TSPAN5: variants seen among roughly 807,000 people sequenced by gnomAD.
TSPAN5 encodes the protein tetraspanin 5, also known as tetraspanin-5.
In TSPAN5, 10 loss-of-function variants were observed where a neutral mutation model predicts 37.1. The ratio of observed to expected loss-of-function variants is 0.27; its 90% CI spans 0.17 to 0.46. TSPAN5 has a LOEUF of 0.46. TSPAN5 is among the 20% of genes least tolerant of loss of function. The probability of loss-of-function intolerance (pLI) is 1.00; values close to 1 mark genes in which losing one functional copy is unlikely to be tolerated. For missense variants in TSPAN5, 195 were observed against 326.6 expected, an observed-to-expected ratio of 0.60 and a Z score of 3.11; for synonymous variants, 110 against 118.9, an observed-to-expected ratio of 0.93 and a Z score of 0.48.
intron 2 of TSPAN5, among the ~76,000 whole-genome samples, chr4:98,493,148 G>A (rs1459117141): frequency 6.6e-6 from 1 of 152,204 alleles, no homozygotes; most frequent in Non-Finnish European, 1.5e-5. Context: ...CTGCACTCCA[G>A]CCTGGGCAAC....
chr4:98,604,196 G>A (rs1755950893), intron 1 of TSPAN5, among the ~76,000 whole-genome samples: 1 of 152,044 alleles, frequency 6.6e-6, no homozygotes, highest in Non-Finnish European at 1.5e-5. Flanking sequence ...ATCACTCCGG[G>A]AAATGAAGCC....
chr4:98,494,356 C>T (rs1047220103), intron 2 of TSPAN5, among the ~76,000 whole-genome samples: 1 of 151,894 alleles, frequency 6.6e-6, no homozygotes, highest in African/African-American at 2.4e-5. Flanking sequence ...ATGGGGGAGA[C>T]AGACAAACAG....
At chr4:98,524,652 A>G (rs998972060) in intron 1 of TSPAN5, among the ~76,000 whole-genome samples, 5 of 151,802 alleles carry the variant, frequency 3.3e-5, no homozygotes, top group African/African-American at 1.2e-4. Flanking sequence ...TTTGACACAC[A>G]CTTTAGCTCT....
chr4:98,570,914 G>C (rs1398988553), intron 1 of TSPAN5, among the ~76,000 whole-genome samples: 4 of 151,774 alleles, frequency 2.6e-5, no homozygotes, highest in Non-Finnish European at 1.5e-5. Context: ...GAAGGCCTGA[G>C]AACAGGGCCT....
At chr4:98,491,121 A>C (rs1753077033) in intron 2 of TSPAN5, among the ~76,000 whole-genome samples, 1 of 152,188 alleles carries the variant, frequency 6.6e-6, no homozygotes, top group Non-Finnish European at 1.5e-5. Flanking sequence ...GTGTATATAT[A>C]AATAGTGGAA....
chr4:98,604,688 A>C (rs1032093749), intron 1 of TSPAN5, among the ~76,000 whole-genome samples: 2 of 152,248 alleles, frequency 1.3e-5, no homozygotes, highest in Non-Finnish European at 2.9e-5. Flanking sequence ...ATCTGTTCCT[A>C]AGTGTGGAAG....
At chr4:98,602,456 T>C (rs558596627) in intron 1 of TSPAN5, among the ~76,000 whole-genome samples, 3 of 152,322 alleles carry the variant, frequency 2.0e-5, no homozygotes, top group South Asian at 4.1e-4. Context: ...TCTCCTTTTT[T>C]GGCAAAACCA....
In TSPAN5 at chr4:98,621,226, C is replaced by G. The variant is rs539099043; in HGVS notation, c.81+36920G>C. On this transcript the variant is annotated intron_variant, in intron 1 of 7. Transcript: ENST00000305798. ...GCCACGGAGCTGATTCTCCCTACAACCATCAGTAGAAACCAACCCTGTGAC... is the reference window on the plus strand; with the variant it reads ...GCCACGGAGCTGATTCTCCCTACAAGCATCAGTAGAAACCAACCCTGTGAC... Among the ~76,000 whole-genome samples the G allele has an allele frequency of 3.4e-4, 52 of 152,200 alleles. No individual in the cohort carries two copies. In the Middle Eastern group the frequency reaches 0.021, roughly 60 times the overall value.
At chr4:98,553,621 AC>A (rs777500459) in intron 1 of TSPAN5, among the ~76,000 whole-genome samples, 7 of 152,202 alleles carry the variant, frequency 4.6e-5, no homozygotes, top group Non-Finnish European at 7.3e-5. Flanking sequence ...ATGGTAAGGT[AC>A]GCCTTTTATG....
chr4:98,485,849 A>G (rs183996198), intron 3 of TSPAN5, among the ~76,000 whole-genome samples: 13 of 150,990 alleles, frequency 8.6e-5, no homozygotes, highest in Middle Eastern at 3.2e-3. Context: ...GTAACAGGAA[A>G]TATTACACTA....
intron 1 of TSPAN5, among the ~76,000 whole-genome samples, chr4:98,651,362 A>G (rs1374463356): frequency 2.0e-5 from 3 of 152,226 alleles, no homozygotes; most frequent in Non-Finnish European, 2.9e-5. Flanking sequence ...ACTAAATACA[A>G]AGTGTGGTTC....
chr4:98,538,524 C>T (rs984221643), intron 1 of TSPAN5, among the ~76,000 whole-genome samples: 1 of 152,220 alleles, frequency 6.6e-6, no homozygotes. Flanking sequence ...ACTACTGCAA[C>T]CTGTGGCTCA....
chr4:98,546,887 A>G (rs6812597), intron 1 of TSPAN5, among the ~76,000 whole-genome samples: 65,473 of 152,030 alleles, frequency 0.43, 14,860 homozygotes, highest in South Asian at 0.52. Context: ...TCTGATGTTT[A>G]TGTGGTAATT....
At chr4:98,622,691 A>AG (rs1358159161) in intron 1 of TSPAN5, among the ~76,000 whole-genome samples, 3 of 152,216 alleles carry the variant, frequency 2.0e-5, no homozygotes, top group African/African-American at 7.2e-5. Context: ...CATGTCAGGT[A>AG]GGACAGTCAG....
At chr4:98,590,543 T>C (rs1755600323) in intron 1 of TSPAN5, among the ~76,000 whole-genome samples, 2 of 152,108 alleles carry the variant, frequency 1.3e-5, no homozygotes, top group South Asian at 4.2e-4. Flanking sequence ...ACCCCGTCTC[T>C]ACTAAAAATA....
At chr4:98,518,453 A>C (rs1753784236) in intron 1 of TSPAN5, among the ~76,000 whole-genome samples, 1 of 152,226 alleles carries the variant, frequency 6.6e-6, no homozygotes, top group Non-Finnish European at 1.5e-5. Context: ...TCAATTACAG[A>C]AATGGAGCAT....
At chr4:98,578,320 G>A (rs182493808) in intron 1 of TSPAN5, among the ~76,000 whole-genome samples, 64 of 152,272 alleles carry the variant, frequency 4.2e-4, no homozygotes, top group Middle Eastern at 3.4e-3. Flanking sequence ...GAAAGTAATC[G>A]TGGAATGATA....
At chr4:98,472,706 T>C (rs1752616224) in intron 7 of TSPAN5, 119 bp from the exon 8 acceptor site, 2 of 805,514 alleles carry the variant, frequency 2.5e-6, no homozygotes, top group South Asian at 1.7e-5. Flanking sequence ...TCATATGTGG[T>C]AAAAAGCATC....
intron 1 of TSPAN5, among the ~76,000 whole-genome samples, chr4:98,532,893 CATG>C (rs753043452): frequency 6.6e-6 from 1 of 152,072 alleles, no homozygotes; most frequent in Non-Finnish European, 1.5e-5. Flanking sequence ...GAGTTTTTAG[CATG>C]AAGGAGTGTT....
Sources: allele counts gnomAD v4.1 joint callset (sites outside exome capture counted in the v4.1 genomes callset), GRCh38; gene constraint gnomAD v4.1.1; transcripts MANE v1.5; gene names NCBI Gene and HGNC (gene_info 2026-07-23, HGNC 2026-07-21).